Variants in LOC128125817 observed in about 807,000 individuals in gnomAD.
the LOC128125817 span, among the ~76,000 whole-genome samples, chr1:41,619,850 G>A: frequency 1.3e-5 from 2 of 152,150 alleles, no homozygotes; most frequent in African/African-American, 2.4e-5. Context: ...TAGGAAATTC[G>A]CAGAGGTAGC....
At chr1:41,622,492 G>A in the LOC128125817 span, among the ~76,000 whole-genome samples, 1 of 152,226 alleles carries the variant, frequency 6.6e-6, no homozygotes, top group Non-Finnish European at 1.5e-5. Context: ...GGCAAATCCA[G>A]CCGGCTGCCT....
chr1:41,593,030 T>C, the LOC128125817 span, among the ~76,000 whole-genome samples: 1 of 152,206 alleles, frequency 6.6e-6, no homozygotes, highest in Non-Finnish European at 1.5e-5. Context: ...TTCTGTCCCC[T>C]GCCTCTCCTT....
At chr1:41,607,782 C>T in the LOC128125817 span, among the ~76,000 whole-genome samples, 3 of 152,222 alleles carry the variant, frequency 2.0e-5, no homozygotes, top group Non-Finnish European at 4.4e-5. Context: ...TTAGACGAGA[C>T]AGTTTATTTC....
At chr1:41,622,766 G>A in the LOC128125817 span, among the ~76,000 whole-genome samples, 1 of 152,208 alleles carries the variant, frequency 6.6e-6, no homozygotes, top group African/African-American at 2.4e-5. Flanking sequence ...GGATGTGCTG[G>A]AGCAGGCAAG....
At chr1:41,605,353 T>C in the LOC128125817 span, among the ~76,000 whole-genome samples, 1 of 146,588 alleles carries the variant, frequency 6.8e-6, no homozygotes, top group East Asian at 2.0e-4. Context: ...TACATAGATA[T>C]TACATACACA....
chr1:41,612,442 C>T, the LOC128125817 span, among the ~76,000 whole-genome samples: 1 of 152,182 alleles, frequency 6.6e-6, no homozygotes, highest in South Asian at 2.1e-4. Context: ...CCAACTGCCC[C>T]CTAAGACTGC....
At chr1:41,621,888 T>C in the LOC128125817 span, among the ~76,000 whole-genome samples, 4 of 152,228 alleles carry the variant, frequency 2.6e-5, no homozygotes, top group African/African-American at 9.6e-5. Context: ...TGCAAGTCTC[T>C]TTCCCACCCT....
chr1:41,620,864 C>G, the LOC128125817 span, among the ~76,000 whole-genome samples: 1 of 152,260 alleles, frequency 6.6e-6, no homozygotes. Flanking sequence ...TCAACCACTA[C>G]TGTGCACCAG....
chr1:41,604,811 A>C, the LOC128125817 span, among the ~76,000 whole-genome samples: 2 of 152,198 alleles, frequency 1.3e-5, no homozygotes, highest in African/African-American at 4.8e-5. Flanking sequence ...ATGGTATTAG[A>C]AAATAGGATA....
chr1:41,616,645 G>T, the LOC128125817 span, among the ~76,000 whole-genome samples: 1 of 138,324 alleles, frequency 7.2e-6, no homozygotes. Flanking sequence ...TTGAGATGGA[G>T]TCTCACTATG....
the LOC128125817 span, among the ~76,000 whole-genome samples, chr1:41,603,556 C>T: frequency 6.6e-6 from 1 of 152,080 alleles, no homozygotes; most frequent in Non-Finnish European, 1.5e-5. Flanking sequence ...AACGGGGTTT[C>T]ACCATGTTGG....
chr1:41,596,750 G>A, the LOC128125817 span, among the ~76,000 whole-genome samples: 3 of 152,204 alleles, frequency 2.0e-5, no homozygotes, highest in Non-Finnish European at 4.4e-5. Context: ...GGCAAAGGCA[G>A]GATTTGAACC....
the LOC128125817 span, among the ~76,000 whole-genome samples, chr1:41,586,926 A>C: frequency 1.3e-5 from 2 of 152,138 alleles, no homozygotes; most frequent in Non-Finnish European, 2.9e-5. Context: ...AGAACAAAGA[A>C]AATGGAAATA....
the LOC128125817 span, among the ~76,000 whole-genome samples, chr1:41,596,231 C>T: frequency 6.6e-6 from 1 of 152,206 alleles, no homozygotes; most frequent in South Asian, 2.1e-4. Flanking sequence ...TGACTGCCCT[C>T]TGAAAGCAGG....
the LOC128125817 span, among the ~76,000 whole-genome samples, chr1:41,598,825 A>ATTTATTTATTTATTTAT: frequency 4.4e-3 from 669 of 151,454 alleles, 5 homozygotes; most frequent in Non-Finnish European, 7.2e-3. Context: ...TTATTTATTT[A>ATTTATTTATTTATTTAT]TTTATTTAGG....
At chr1:41,591,478 T>C in the LOC128125817 span, among the ~76,000 whole-genome samples, 1 of 152,052 alleles carries the variant, frequency 6.6e-6, no homozygotes, top group Non-Finnish European at 1.5e-5. Context: ...TGGATCTGAC[T>C]TTATGGGATA....
At chr1:41,613,117 C>T in the LOC128125817 span, among the ~76,000 whole-genome samples, 1 of 152,258 alleles carries the variant, frequency 6.6e-6, no homozygotes, top group Non-Finnish European at 1.5e-5. Context: ...GCTAGGGGCT[C>T]ACTGCCTGCA....
the LOC128125817 span, chr1:41,628,729 C>T: frequency 8.1e-7 from 1 of 1,231,152 alleles, no homozygotes; most frequent in Non-Finnish European, 1.0e-6. Flanking sequence ...GCATATTCAG[C>T]AACAGCCCCC....
chr1:41,617,710 C>T, the LOC128125817 span, among the ~76,000 whole-genome samples: 1 of 152,236 alleles, frequency 6.6e-6, no homozygotes, highest in African/African-American at 2.4e-5. Context: ...AGGATTCAGA[C>T]TTCTCATCTT....
Sources: gnomAD v4.1 joint callset for allele counts (sites outside exome capture counted in the v4.1 genomes callset) on GRCh38, gnomAD v4.1.1 for gene constraint, MANE v1.5 for transcripts.